The following EPB41 variants were observed in gnomAD, a reference collection of about 807,000 sequenced individuals.
The protein encoded by EPB41 is erythrocyte membrane protein band 4.1.
In EPB41, 65 loss-of-function variants were observed where a neutral mutation model predicts 108.0. The ratio of observed to expected loss-of-function variants is 0.60; its 90% confidence interval spans 0.49 to 0.74. The LOEUF (loss-of-function observed/expected upper bound fraction) is 0.74, where lower values mean the gene tolerates loss of function less well. Among genes scored for constraint, EPB41 ranks in the 30% least tolerant of loss-of-function variants. The pLI is 0.00. For missense variants in EPB41, 875 were observed against 1,037.0 expected, an observed-to-expected ratio of 0.84 and a Z score of 2.15; for synonymous variants, 336 against 358.9, an observed-to-expected ratio of 0.94 and a Z score of 0.72.
chr1:28,961,034 C>CAAA (rs1272961367), intron 1 of EPB41, among the ~76,000 whole-genome samples: 3 of 51,162 alleles, frequency 5.9e-5, no homozygotes, highest in Admixed American at 2.1e-4. Context: ...AACCCTGTCT[C>CAAA]AAAAAAAAAA....
intron 7 of EPB41, among the ~76,000 whole-genome samples, chr1:29,022,260 T>C (rs544562547): frequency 4.0e-5 from 6 of 151,790 alleles, no homozygotes; most frequent in Non-Finnish European, 5.9e-5. Flanking sequence ...AAAAGATCCA[T>C]TCAAAATGCA....
chr1:28,959,273 A>G (rs1156912319), intron 1 of EPB41, among the ~76,000 whole-genome samples: 3 of 145,406 alleles, frequency 2.1e-5, no homozygotes, highest in East Asian at 2.0e-4. Context: ...CTGGAGTGCA[A>G]TGGTGCAATA....
chr1:29,103,583 G>A (rs539946666), intron 17 of EPB41, among the ~76,000 whole-genome samples: 14 of 152,164 alleles, frequency 9.2e-5, no homozygotes, highest in Admixed American at 1.3e-4. Flanking sequence ...ATTATATTGC[G>A]TTGTTAAACA....
chr1:29,057,056 C>A (rs1055286761), intron 12 of EPB41, among the ~76,000 whole-genome samples: 3 of 152,018 alleles, frequency 2.0e-5, no homozygotes, highest in Admixed American at 6.6e-5. Flanking sequence ...GACCACACAG[C>A]AAGTATGCTG....
intron 1 of EPB41, among the ~76,000 whole-genome samples, chr1:28,954,902 C>A (rs921943041): frequency 1.2e-4 from 18 of 152,150 alleles, no homozygotes; most frequent in African/African-American, 4.3e-4. Flanking sequence ...TTTAATAATT[C>A]TTGATTAGCA....
chr1:29,084,857 C>A (rs1272254391), intron 16 of EPB41, among the ~76,000 whole-genome samples: 1 of 152,074 alleles, frequency 6.6e-6, no homozygotes, highest in African/African-American at 2.4e-5. Flanking sequence ...TTGTGATGTT[C>A]TCTAAAATAT....
chr1:28,902,223 G>C (rs2091386687), intron 1 of EPB41: 1 of 985,262 alleles, frequency 1.0e-6, no homozygotes, highest in African/African-American at 1.7e-5. Context: ...CTTTAGCTGG[G>C]TCAACCCTGA....
Position 28,987,652 on chromosome 1 carries a change from G to A in EPB41, c.215G>A (p.Arg72Gln), listed in dbSNP as rs200653172. 69 of 1,614,146 alleles carry A rather than the reference G, an allele frequency of 4.3e-5. No individual in the cohort carries two copies. Among genetic ancestry groups the A allele is most frequent in the Admixed American group, 2.0e-4 (12 of 60,022 alleles). ...GAAGACTTGACCAAGAACAAGGAGCGGACATCAGAAAGCAGAGGACTTTCA... is the reference window on the plus strand; with the variant it reads ...GAAGACTTGACCAAGAACAAGGAGCAGACATCAGAAAGCAGAGGACTTTCA... ...THEDLTKNKE[R>Q]TSESRGLSRL... Residue 72 changes from arginine to glutamine, a missense_variant, in exon 2 of 21, where the codon CGG becomes CAG. This residue lies in a region of EPB41 where 353 missense variants were observed against 393.2 expected (regional missense o/e 0.90). Coordinates refer to ENST00000343067, the MANE Select transcript of EPB41 (RefSeq NM_001376013.1).
At chr1:28,927,669 CTCTCCCTT>C in intron 1 of EPB41, among the ~76,000 whole-genome samples, 1 of 152,234 alleles carries the variant, frequency 6.6e-6, no homozygotes, top group East Asian at 1.9e-4. Context: ...TTCCTCTCAT[CTCTCCCTT>C]TCTCCTTCTC....
rs1238849835 is a variant in EPB41, at chr1:29,025,845, G to A, written c.1125-4555G>A. The stretch of plus-strand genomic sequence containing the variant: ...AAGCAGAGTGAGGAGTGGGTCCGTG[G>A]GTTGGAGGGCAGCCTGGCATGAAGA... On this transcript the variant is annotated intron_variant, in intron 7 of 20. Coordinates refer to ENST00000343067, the MANE Select transcript of EPB41 (RefSeq NM_001376013.1). Among the ~76,000 whole-genome samples, 4 of 151,476 alleles carry A rather than the reference G, an allele frequency of 2.6e-5. No homozygotes were observed. In the East Asian group the frequency reaches 7.8e-4, roughly 29 times the overall value.
chr1:29,010,172 A>G (rs1243058129), intron 4 of EPB41, among the ~76,000 whole-genome samples: 1 of 152,128 alleles, frequency 6.6e-6, no homozygotes, highest in Non-Finnish European at 1.5e-5. Context: ...CCCCATCTCT[A>G]CTAAAAATAC....
chr1:29,101,583 G>A (rs1316506577), intron 17 of EPB41, among the ~76,000 whole-genome samples: 1 of 151,946 alleles, frequency 6.6e-6, no homozygotes, highest in African/African-American at 2.4e-5. Flanking sequence ...CAGGAGAATC[G>A]CTTGAACCTG....
At chr1:28,962,500 T>G (rs2149163447) in intron 1 of EPB41, among the ~76,000 whole-genome samples, 1 of 152,316 alleles carries the variant, frequency 6.6e-6, no homozygotes, top group Middle Eastern at 3.4e-3. Context: ...GTTGTGCCAC[T>G]ATCACTACTA....
chr1:29,022,372 T>TAA (rs370103452), intron 7 of EPB41, among the ~76,000 whole-genome samples: 6,727 of 111,510 alleles, frequency 0.06, 357 homozygotes, highest in African/African-American at 0.17. Context: ...ATTGATATAA[T>TAA]AAAAAAAAAA....
chr1:28,959,810 GCTCT>G (rs1383545107), intron 1 of EPB41, among the ~76,000 whole-genome samples: 2 of 151,730 alleles, frequency 1.3e-5, no homozygotes, highest in African/African-American at 4.8e-5. Flanking sequence ...GTTCTTCCTT[GCTCT>G]CTTTTTTCTT....
At chr1:28,980,517 C>T (rs2095712385) in intron 1 of EPB41, among the ~76,000 whole-genome samples, 1 of 151,592 alleles carries the variant, frequency 6.6e-6, no homozygotes, top group Admixed American at 6.6e-5. Flanking sequence ...TGAAACCAGC[C>T]TGGGCAACAT....
rs1671614428 is a variant in EPB41, at chr1:29,119,841, CAT to C, written c.*3032_*3033del. On this transcript the variant is annotated 3_prime_UTR_variant, in exon 21 of 21. Coordinates refer to ENST00000343067, the MANE Select transcript of EPB41 (RefSeq NM_001376013.1). ...GTAAATTTTTTTTAAAATTATGAAT[CAT>C]ATCAAGTAGTTGTTTACATTTCTTG... The C allele has an allele frequency of 6.6e-6, 1 of 152,516 alleles. No homozygotes were observed. The highest frequency in any genetic ancestry group is 1.9e-4 in the East Asian group (1 of 5,190). 9.4% of individuals were successfully genotyped at this position (152,516 alleles called of 1,614,324 possible).
chr1:29,098,933 C>G (rs913325368), intron 17 of EPB41, among the ~76,000 whole-genome samples: 36 of 150,832 alleles, frequency 2.4e-4, no homozygotes, highest in Admixed American at 2.1e-3. Context: ...CCATGTTGGC[C>G]AGGCTAGTCT....
chr1:29,112,722 C>T (rs1251409602), intron 19 of EPB41, among the ~76,000 whole-genome samples: 1 of 152,178 alleles, frequency 6.6e-6, no homozygotes, highest in African/African-American at 2.4e-5. Context: ...TGTTAACTCT[C>T]TGGGCCTCCA....
Sources: gnomAD v4.1 joint callset for allele counts (sites outside exome capture counted in the v4.1 genomes callset) on GRCh38, gnomAD v4.1.1 for gene constraint, gnomAD v4.1.1 regional missense constraint, MANE v1.5 for transcripts, NCBI Gene and HGNC (gene_info 2026-07-23, HGNC 2026-07-21) for gene names.